The following OPA3 variants were observed in gnomAD, a reference collection of about 807,000 sequenced individuals.
OPA3 encodes the protein outer mitochondrial membrane lipid metabolism regulator OPA3, also known as optic atrophy 3 protein.
Under a neutral mutation model 4.0 loss-of-function variants are expected in OPA3, and 6 were observed. The observed-to-expected ratio is 1.51, with a 90% CI of 0.83 to 2.99. The LOEUF (loss-of-function observed/expected upper bound fraction) is 2.99, where lower values mean the gene tolerates loss of function less well. Among genes scored for constraint, OPA3 ranks in the 30% most tolerant of loss-of-function variants. The pLI is 0.00. For synonymous variants in OPA3, 105 were observed against 117.1 expected, an observed-to-expected ratio of 0.90 and a Z score of 0.67; for missense variants, 235 against 256.2, an observed-to-expected ratio of 0.92 and a Z score of 0.56.
At chr19:45,579,065 C>G (rs1443647548) in intron 1 of OPA3, among the ~76,000 whole-genome samples, 1 of 152,050 alleles carries the variant, frequency 6.6e-6, no homozygotes, top group Non-Finnish European at 1.5e-5. Context: ...GTTTCTTCCC[C>G]CAGATGGCAA....
intron 1 of OPA3, among the ~76,000 whole-genome samples, chr19:45,578,854 A>G (rs1158466736): frequency 1.3e-5 from 2 of 152,138 alleles, no homozygotes; most frequent in African/African-American, 4.8e-5. Context: ...AAAATAAAAC[A>G]GAACTCTGAT....
At chr19:45,529,171 G>T (rs371097138) in exon 2 of OPA3, 1 of 1,609,768 alleles carries the variant, frequency 6.2e-7, no homozygotes, top group East Asian at 2.2e-5. Context: ...CTGCGTCGAC[G>T]TCGCCTGCAC....
At position 45,557,293 on chromosome 19, in the gene OPA3, G is replaced by C. The variant is rs186164993; in HGVS notation, c.143-3382C>G. Among the ~76,000 whole-genome samples the C allele has an allele frequency of 2.2e-3, 341 of 152,252 alleles. 2 individuals carry two copies. The highest frequency in any genetic ancestry group is 7.6e-3 in the African/African-American group (317 of 41,566). ...GCACGCGTGTGTGCACGCAGGCATG[G>C]GCTTTCAGGGCTTTCAGAGCAGGGG... On this transcript the variant is annotated intron_variant, in intron 1 of 1. Coordinates refer to ENST00000263275, the MANE Select transcript of OPA3 (RefSeq NM_025136.4).
chr19:45,541,721 C>A (rs1431964425), downstream of OPA3, among the ~76,000 whole-genome samples: 1 of 152,050 alleles, frequency 6.6e-6, no homozygotes, highest in Non-Finnish European at 1.5e-5. Context: ...CACACCACCA[C>A]ACCTGGCGCA....
At chr19:45,563,448 G>A (rs1969535217) in intron 1 of OPA3, among the ~76,000 whole-genome samples, 1 of 151,624 alleles carries the variant, frequency 6.6e-6, no homozygotes, top group African/African-American at 2.4e-5. Flanking sequence ...GTGAGTCACT[G>A]TGCCCAGCCT....
At position 45,549,427 on chromosome 19, in the gene OPA3, G is replaced by C. The variant is rs1599959047; in HGVS notation, c.*4087C>G. 1 of 985,308 alleles carries C rather than the reference G, an allele frequency of 1.0e-6. No homozygotes were observed. Among genetic ancestry groups the C allele is most frequent in the Middle Eastern group, 5.2e-4 (1 of 1,914 alleles). 61.0% of individuals were successfully genotyped at this position (985,308 alleles called of 1,614,324 possible). ...GATGTGAGAGCAGCACTCCATCTGGGTCAGGACAGCGCTGGGGTCAGGAAT... is the reference window on the plus strand; with the variant it reads ...GATGTGAGAGCAGCACTCCATCTGGCTCAGGACAGCGCTGGGGTCAGGAAT... On this transcript the variant is annotated 3_prime_UTR_variant, in exon 2 of 2. Transcript: ENST00000263275.
chr19:45,565,107 G>A (rs1314285009), intron 1 of OPA3, among the ~76,000 whole-genome samples: 2 of 151,990 alleles, frequency 1.3e-5, no homozygotes, highest in Non-Finnish European at 2.9e-5. Context: ...GGTGGCACAC[G>A]CCTGTGGTCC....
intron 1 of OPA3, among the ~76,000 whole-genome samples, chr19:45,563,308 C>T (rs373230460): frequency 3.3e-5 from 5 of 152,136 alleles, no homozygotes; most frequent in South Asian, 2.1e-4. Context: ...TACAGGCGCC[C>T]GCCACCATGC....
rs529960631 is a variant in OPA3 at position 45,538,647 on chromosome 19, T to C, written c.143-9191A>G. Among the ~76,000 whole-genome samples, 11 of 150,578 alleles carry C rather than the reference T, an allele frequency of 7.3e-5. No homozygotes were observed. The East Asian group carries it at 2.2e-3, about 30-fold the overall frequency. ...CTGAGGCAAGAGAATTCCTTGAACC[T>C]GGGAGGCGGAGGTTGCAGTGAGCCA... is the stretch of plus-strand genomic sequence containing the variant. On this transcript the variant is annotated intron_variant, in intron 1 of 1. Coordinates refer to the OPA3 transcript ENST00000323060.
At chr19:45,541,509 T>C (rs1464101960), downstream of OPA3, among the ~76,000 whole-genome samples, 1 of 152,114 alleles carries the variant, frequency 6.6e-6, no homozygotes, top group Non-Finnish European at 1.5e-5. Flanking sequence ...AGTTTGAGAC[T>C]AGCCTGGGCA....
chr19:45,563,704 C>T (rs1003945429), intron 1 of OPA3, among the ~76,000 whole-genome samples: 5 of 151,892 alleles, frequency 3.3e-5, no homozygotes, highest in South Asian at 2.1e-4. Context: ...TACAGGCGCA[C>T]GCCACCATGC....
At chr19:45,555,639 C>G (rs1331403061) in intron 1 of OPA3, among the ~76,000 whole-genome samples, 1 of 152,024 alleles carries the variant, frequency 6.6e-6, no homozygotes, top group African/African-American at 2.4e-5. Context: ...TACAGGCGCC[C>G]GCTACCACGC....
rs1349183615 is a variant in OPA3, at chr19:45,548,889, C to T, written c.*4625G>A. On this transcript the variant is annotated 3_prime_UTR_variant, in exon 2 of 2. Coordinates refer to ENST00000263275, the MANE Select transcript of OPA3 (RefSeq NM_025136.4). ...CATGATCTCGGCTCACTGCAACCTCCGCCTCCCGGGTCCAAGAGATTCTCC... is the reference window on the plus strand; with the variant it reads ...CATGATCTCGGCTCACTGCAACCTCTGCCTCCCGGGTCCAAGAGATTCTCC... 2.9e-5 allele frequency: 12 copies of T among 414,300 alleles called. No homozygotes were observed. Among genetic ancestry groups the T allele is most frequent in the Non-Finnish European group, 3.9e-5 (12 of 308,518 alleles). The allele number at this position is 414,300 out of a possible 1,614,324, so 25.7% of individuals were successfully genotyped here.
chr19:45,583,017 C>G (rs1197944405), intron 1 of OPA3, among the ~76,000 whole-genome samples: 1 of 152,190 alleles, frequency 6.6e-6, no homozygotes, highest in Non-Finnish European at 1.5e-5. Context: ...AGGTTAGAAG[C>G]AAGATGGAGT....
intron 1 of OPA3, among the ~76,000 whole-genome samples, chr19:45,569,018 GAATT>G (rs1179444314): frequency 6.6e-6 from 1 of 152,142 alleles, no homozygotes; most frequent in Non-Finnish European, 1.5e-5. Context: ...TTGAGTGAAT[GAATT>G]ACTCAGCCTC....
At chr19:45,544,560 C>T (rs1185518891), downstream of OPA3, among the ~76,000 whole-genome samples, 2 of 151,886 alleles carry the variant, frequency 1.3e-5, no homozygotes, top group Non-Finnish European at 2.9e-5. Flanking sequence ...TTTGGGAGGC[C>T]GAGGCAGGTG....
intron 1 of OPA3, among the ~76,000 whole-genome samples, chr19:45,561,961 A>G (rs1969509391): frequency 1.3e-5 from 2 of 151,766 alleles, no homozygotes; most frequent in Non-Finnish European, 2.9e-5. Flanking sequence ...AAATAAATAA[A>G]TAATAAAATA....
chr19:45,533,878 A>G (rs1051360826), intron 1 of OPA3, among the ~76,000 whole-genome samples: 2 of 152,234 alleles, frequency 1.3e-5, no homozygotes, highest in African/African-American at 4.8e-5. Context: ...AGCAGTGGGC[A>G]GGTTGTTGCC....
chr19:45,528,271 C>G (rs1024073756), exon 2 of OPA3: 4 of 152,340 alleles, frequency 2.6e-5, no homozygotes, highest in African/African-American at 9.7e-5. Context: ...CCTGCTGGAA[C>G]AGACCACAGA....
Sources: gnomAD v4.1 joint callset for allele counts (sites outside exome capture counted in the v4.1 genomes callset) on GRCh38, gnomAD v4.1.1 for gene constraint, MANE v1.5 for transcripts, NCBI Gene and HGNC (gene_info 2026-07-23, HGNC 2026-07-21) for gene names.